The following PRP4K variants were observed in gnomAD, a reference collection of about 807,000 sequenced individuals.
PRP4K encodes pre-mRNA processing factor kinase PRP4K, also known as serine/threonine-protein kinase PRP4 homolog.
At chr6:4,056,918 A>T in the PRP4K span, 19 of 1,139,866 alleles carry the variant, frequency 1.7e-5, no homozygotes, top group Non-Finnish European at 1.2e-6. Context: ...AAACTAAGGC[A>T]TGAAGATTGT....
At chr6:4,051,465 C>G in the PRP4K span, among the ~76,000 whole-genome samples, 2 of 151,666 alleles carry the variant, frequency 1.3e-5, no homozygotes, top group African/African-American at 4.8e-5. Flanking sequence ...TACAGGCACC[C>G]GCCACCACCC....
the PRP4K span, among the ~76,000 whole-genome samples, chr6:4,021,952 C>A: frequency 6.6e-6 from 1 of 152,074 alleles, no homozygotes; most frequent in Non-Finnish European, 1.5e-5. Context: ...AAGCAGAGAG[C>A]GGAGGTGCTG....
At chr6:4,025,484 A>G in the PRP4K span, among the ~76,000 whole-genome samples, 6 of 152,224 alleles carry the variant, frequency 3.9e-5, no homozygotes, top group African/African-American at 7.2e-5. Flanking sequence ...GATCCATTGT[A>G]TGCCTAGCCC....
chr6:4,061,090 G>A, the PRP4K span: 5 of 164,732 alleles, frequency 3.0e-5, no homozygotes, highest in Admixed American at 2.8e-4. Context: ...TCTTGAGCCT[G>A]CCTGCAGGGA....
At chr6:4,029,012 C>CTTTTTTTTTTTTTTTTTTT in the PRP4K span, among the ~76,000 whole-genome samples, 44 of 132,538 alleles carry the variant, frequency 3.3e-4, 5 homozygotes, top group African/African-American at 7.6e-4. Context: ...TACTTGGAAT[C>CTTTTTTTTTTTTTTTTTTT]TTTTTTTTTT....
At chr6:4,064,096 A>G in the PRP4K span, 1 of 152,244 alleles carries the variant, frequency 6.6e-6, no homozygotes, top group Non-Finnish European at 1.5e-5. Flanking sequence ...CAGGGGGAGC[A>G]TCTTATATTC....
chr6:4,035,284 ATTTTTTTTTTT>A, the PRP4K span, among the ~76,000 whole-genome samples: 22 of 58,800 alleles, frequency 3.7e-4, no homozygotes, highest in African/African-American at 6.2e-4. Flanking sequence ...CGCCCGGCTA[ATTTTTTTTTTT>A]TTTTTTTTTT....
At chr6:4,054,153 C>T in the PRP4K span, among the ~76,000 whole-genome samples, 1 of 152,146 alleles carries the variant, frequency 6.6e-6, no homozygotes, top group Non-Finnish European at 1.5e-5. Context: ...CCTCCTGCTG[C>T]AGCCTCCCAA....
At chr6:4,045,390 A>G in the PRP4K span, among the ~76,000 whole-genome samples, 2 of 152,192 alleles carry the variant, frequency 1.3e-5, no homozygotes, top group African/African-American at 4.8e-5. Context: ...TATCTTGTGC[A>G]TGTCCTGCCC....
the PRP4K span, among the ~76,000 whole-genome samples, chr6:4,045,389 C>G: frequency 1.3e-5 from 2 of 152,154 alleles, no homozygotes; most frequent in Non-Finnish European, 2.9e-5. Flanking sequence ...TTATCTTGTG[C>G]ATGTCCTGCC....
chr6:4,040,874 A>G, the PRP4K span: 2 of 1,613,992 alleles, frequency 1.2e-6, no homozygotes, highest in South Asian at 2.2e-5. Flanking sequence ...ATAAATTTAA[A>G]GGAAGTCTTT....
chr6:4,032,141 TAAAGAG>T, the PRP4K span: 1 of 1,613,304 alleles, frequency 6.2e-7, no homozygotes, highest in East Asian at 2.2e-5. Flanking sequence ...TTGAAATCGT[TAAAGAG>T]AAAACAACTA....
chr6:4,023,921 C>T, the PRP4K span, among the ~76,000 whole-genome samples: 1 of 149,842 alleles, frequency 6.7e-6, no homozygotes, highest in Non-Finnish European at 1.5e-5. Context: ...GGCTAGATTG[C>T]AGTGGTGCGA....
the PRP4K span, among the ~76,000 whole-genome samples, chr6:4,030,029 G>A: frequency 2.7e-5 from 4 of 150,284 alleles, no homozygotes; most frequent in Admixed American, 6.7e-5. Context: ...TGCAGCCTCC[G>A]CCTCCCAGGT....
At chr6:4,044,860 A>AT in the PRP4K span, among the ~76,000 whole-genome samples, 68 of 119,314 alleles carry the variant, frequency 5.7e-4, 1 homozygote, top group East Asian at 3.4e-3. Context: ...TATTATTATT[A>AT]TTATTTTTTT....
At chr6:4,025,290 C>T in the PRP4K span, among the ~76,000 whole-genome samples, 2 of 151,968 alleles carry the variant, frequency 1.3e-5, no homozygotes, top group African/African-American at 4.8e-5. Context: ...AACAAGAAAC[C>T]TTTTTCTTGA....
chr6:4,058,865 A>T, the PRP4K span: 1 of 1,353,542 alleles, frequency 7.4e-7, no homozygotes, highest in South Asian at 1.3e-5. Context: ...TTAACTGAGT[A>T]CTAAATCATA....
chr6:4,027,383 C>G, the PRP4K span, among the ~76,000 whole-genome samples: 1 of 151,978 alleles, frequency 6.6e-6, no homozygotes, highest in African/African-American at 2.4e-5. Context: ...TTGAGGAAAC[C>G]GAGGCACAGA....
chr6:4,022,153 C>T, the PRP4K span, among the ~76,000 whole-genome samples: 1 of 35,776 alleles, frequency 2.8e-5, no homozygotes, highest in South Asian at 8.9e-4. Context: ...TGAGGCCTGG[C>T]ATTTTTTTTT....
Sources: allele counts gnomAD v4.1 joint callset (sites outside exome capture counted in the v4.1 genomes callset), GRCh38; gene constraint gnomAD v4.1.1; transcripts MANE v1.5; gene names NCBI Gene and HGNC (gene_info 2026-07-23, HGNC 2026-07-21).